SNTB2: variants seen among roughly 807,000 people sequenced by gnomAD.
SNTB2 encodes the protein beta-2-syntrophin.
SNTB2 carries 34 observed loss-of-function variants against 46.2 expected under a neutral mutation model. The ratio of observed to expected loss-of-function variants is 0.74; its 90% CI spans 0.56 to 0.98. The LOEUF (loss-of-function observed/expected upper bound fraction) is 0.98, where lower values mean the gene tolerates loss of function less well. Among genes scored for constraint, SNTB2 ranks in the 50% least tolerant of loss-of-function variants. The pLI, the probability that SNTB2 is intolerant of heterozygous loss-of-function variation, is 0.00. For missense variants in SNTB2, 603 were observed against 731.4 expected (o/e 0.82, Z 2.02); for synonymous variants, 290 against 312.6 (o/e 0.93, Z 0.76).
intron 1 of SNTB2, among the ~76,000 whole-genome samples, chr16:69,208,565 T>G (rs957516449): frequency 1.3e-5 from 2 of 152,220 alleles, no homozygotes; most frequent in African/African-American, 2.4e-5. Flanking sequence ...TTTTCACAAT[T>G]TATCCATTCT....
At chr16:69,197,734 A>T (rs1356380196) in intron 1 of SNTB2, among the ~76,000 whole-genome samples, 2 of 152,222 alleles carry the variant, frequency 1.3e-5, no homozygotes, top group Non-Finnish European at 2.9e-5. Flanking sequence ...ACTGAACACT[A>T]AATGTCTTTG....
At chr16:69,254,872 TA>T (rs1456573500) in intron 2 of SNTB2, among the ~76,000 whole-genome samples, 2 of 152,038 alleles carry the variant, frequency 1.3e-5, no homozygotes, top group African/African-American at 4.8e-5. Context: ...TAGTCCCAGT[TA>T]ACTGGGAGGC....
At chr16:69,284,459 TAAAAAAAAAAAAAAAAAAAA>T (rs3087058) in intron 5 of SNTB2, among the ~76,000 whole-genome samples, 2 of 45,908 alleles carry the variant, frequency 4.4e-5, no homozygotes, top group African/African-American at 8.5e-5. Context: ...CCGTCTTTAC[TAAAAAAAAAAAAAAAAAAAA>T]AAAAAAAAAA....
chr16:69,220,437 G>A (rs1440246837), intron 1 of SNTB2, among the ~76,000 whole-genome samples: 2 of 151,960 alleles, frequency 1.3e-5, no homozygotes, highest in African/African-American at 4.8e-5. Context: ...TGGGATTACA[G>A]GCGTGAGCCA....
intron 4 of SNTB2, among the ~76,000 whole-genome samples, chr16:69,277,773 A>G (rs903727378): frequency 2.0e-5 from 3 of 152,272 alleles, no homozygotes; most frequent in Non-Finnish European, 4.4e-5. Context: ...ATTCCTCACC[A>G]AATTTTTAAA....
chr16:69,294,730 CTAAAA>C (rs959286079), intron 5 of SNTB2, among the ~76,000 whole-genome samples: 3 of 151,936 alleles, frequency 2.0e-5, no homozygotes, highest in Non-Finnish European at 2.9e-5. Flanking sequence ...GAGACTCCAT[CTAAAA>C]TAAAATAAAA....
chr16:69,244,050 T>C (rs968562495), intron 1 of SNTB2, among the ~76,000 whole-genome samples: 1 of 152,216 alleles, frequency 6.6e-6, no homozygotes, highest in East Asian at 1.9e-4. Context: ...ATTGAATGTT[T>C]AGTATGTGCC....
chr16:69,189,082 A>G (rs1964024253), intron 1 of SNTB2, among the ~76,000 whole-genome samples: 1 of 152,204 alleles, frequency 6.6e-6, no homozygotes, highest in Non-Finnish European at 1.5e-5. Context: ...ATGGATTTTC[A>G]CTTTCTTATA....
intron 1 of SNTB2, among the ~76,000 whole-genome samples, chr16:69,219,287 A>G (rs903592371): frequency 1.3e-5 from 2 of 152,230 alleles, no homozygotes; most frequent in African/African-American, 4.8e-5. Context: ...TTAGATCAGG[A>G]CCATCAAGGG....
chr16:69,279,750 G>A (rs1396898657), intron 4 of SNTB2, among the ~76,000 whole-genome samples: 5 of 151,138 alleles, frequency 3.3e-5, no homozygotes, highest in South Asian at 2.1e-4. Context: ...GGATGGTCTC[G>A]ATCTCCTGAC....
chr16:69,187,269 C>T lies in SNTB2; in HGVS notation c.103C>T (p.Arg35Cys). 6.7e-7 allele frequency: 1 copy of T among 1,486,510 alleles called. No individual in the cohort carries two copies. The highest frequency in any genetic ancestry group is 8.9e-7 in the Non-Finnish European group (1 of 1,123,628). 92.1% of individuals were successfully genotyped at this position (1,486,510 alleles called of 1,614,324 possible). The change falls in exon 1 of 7, where the codon CGC becomes TGC. Residue 35 changes from arginine (R) to cysteine (C), a missense_variant. This residue lies in a region of SNTB2 where 537 missense variants were observed against 692.4 expected (regional missense o/e 0.78). Transcript: ENST00000336278. ...AGLVELLLRE[R>C]WVRVVAELSG... ...GCTGGTGGAGCTGCTCCTGAGGGAG[C>T]GCTGGGTCCGAGTGGTGGCCGAGCT...
chr16:69,191,786 G>A (rs1382439573), intron 1 of SNTB2, among the ~76,000 whole-genome samples: 2 of 151,536 alleles, frequency 1.3e-5, no homozygotes, highest in Admixed American at 6.6e-5. Context: ...GACTACAGGC[G>A]CCCGCCACCA....
At chr16:69,273,453 G>A (rs1193094147) in intron 4 of SNTB2, among the ~76,000 whole-genome samples, 2 of 151,776 alleles carry the variant, frequency 1.3e-5, no homozygotes, top group Non-Finnish European at 2.9e-5. Context: ...AAAACATTAT[G>A]CTAAGTGAAA....
chr16:69,295,973 G>A (rs1411594633), intron 5 of SNTB2, among the ~76,000 whole-genome samples: 5 of 152,058 alleles, frequency 3.3e-5, no homozygotes, highest in Non-Finnish European at 7.4e-5. Flanking sequence ...GAAGAATCTG[G>A]TATTAATTAT....
intron 5 of SNTB2, among the ~76,000 whole-genome samples, chr16:69,292,392 A>ATATATATATATAT (rs1965174584): frequency 3.8e-5 from 1 of 26,358 alleles, no homozygotes; most frequent in Non-Finnish European, 6.1e-5. Context: ...TATATATATT[A>ATATATATATATAT]TATATATATA....
At chr16:69,219,962 G>A (rs746923297) in intron 1 of SNTB2, among the ~76,000 whole-genome samples, 19 of 151,930 alleles carry the variant, frequency 1.3e-4, no homozygotes, top group Non-Finnish European at 2.4e-4. Flanking sequence ...ATGTTGGCCA[G>A]GATGGTCTTG....
intron 4 of SNTB2, among the ~76,000 whole-genome samples, chr16:69,280,353 G>A (rs1168160379): frequency 6.6e-6 from 1 of 152,208 alleles, no homozygotes; most frequent in East Asian, 1.9e-4. Context: ...TGTCATCATG[G>A]CCCGTTCTCA....
chr16:69,231,979 TAAA>T (rs1208917383), intron 1 of SNTB2, among the ~76,000 whole-genome samples: 1 of 152,168 alleles, frequency 6.6e-6, no homozygotes, highest in Non-Finnish European at 1.5e-5. Context: ...GATCAGTAGT[TAAA>T]GAAGTTTACC....
At chr16:69,275,449 A>G (rs1964978392) in intron 4 of SNTB2, among the ~76,000 whole-genome samples, 1 of 152,144 alleles carries the variant, frequency 6.6e-6, no homozygotes, top group Non-Finnish European at 1.5e-5. Context: ...GATTAGAATA[A>G]AAAAAGACAG....
Sources: gnomAD v4.1 joint callset for allele counts (sites outside exome capture counted in the v4.1 genomes callset) on GRCh38, gnomAD v4.1.1 for gene constraint, gnomAD v4.1.1 regional missense constraint, MANE v1.5 for transcripts, NCBI Gene and HGNC (gene_info 2026-07-23, HGNC 2026-07-21) for gene names.